MSH3: variants seen among roughly 807,000 people sequenced by gnomAD.
MSH3 encodes the protein mutS homolog 3, also known as DNA mismatch repair protein Msh3.
Under a neutral mutation model 123.3 loss-of-function variants are expected in MSH3, and 106 were observed. The ratio of observed to expected loss-of-function variants is 0.86; its 90% CI spans 0.73 to 1.01. The LOEUF (loss-of-function observed/expected upper bound fraction) is 1.01, where lower values mean the gene tolerates loss of function less well. MSH3 is among the 50% of genes least tolerant of loss of function. The pLI is 0.00. For missense variants in MSH3, 1,459 were observed against 1,347.6 expected (o/e 1.08, Z -1.29); for synonymous variants, 515 against 481.4 (o/e 1.07, Z -0.91).
intron 8 of MSH3, among the ~76,000 whole-genome samples, chr5:80,695,073 G>A (rs1750440552): frequency 7.3e-6 from 1 of 137,850 alleles, no homozygotes; most frequent in African/African-American, 2.7e-5. Context: ...GTTGGTGGTG[G>A]TGTTTTTTTT....
chr5:80,675,475 G>A (rs6151650), intron 7 of MSH3, among the ~76,000 whole-genome samples: 5,308 of 152,204 alleles, frequency 0.035, 122 homozygotes, highest in Non-Finnish European at 0.054. Context: ...AGGCGAAGGG[G>A]AAGCAGTGAC....
At chr5:80,804,138 C>A (rs527667585) in intron 19 of MSH3, among the ~76,000 whole-genome samples, 4 of 152,146 alleles carry the variant, frequency 2.6e-5, no homozygotes, top group Non-Finnish European at 5.9e-5. Flanking sequence ...CTACAGATTG[C>A]TTTAGTTACT....
At chr5:80,811,792 TA>T (rs869154962) in intron 19 of MSH3, among the ~76,000 whole-genome samples, 1 of 148,010 alleles carries the variant, frequency 6.8e-6, no homozygotes, top group South Asian at 2.1e-4. Context: ...AAAAAGAGAT[TA>T]AAAAGAGATT....
chr5:80,745,448 A>G (rs1743699122), intron 12 of MSH3, among the ~76,000 whole-genome samples: 2 of 152,206 alleles, frequency 1.3e-5, no homozygotes, highest in Non-Finnish European at 2.9e-5. Context: ...TCACCTTCTG[A>G]GATAGGTTCT....
intron 12 of MSH3, chr5:80,746,582 C>T (rs1018630358): frequency 5.1e-6 from 2 of 392,004 alleles, no homozygotes; most frequent in Non-Finnish European, 1.0e-5. Flanking sequence ...GGGATCTCCT[C>T]TGTTCGTTTT....
At chr5:80,746,785 C>T in intron 12 of MSH3, 1 of 386,902 alleles carries the variant, frequency 2.6e-6, no homozygotes, top group Non-Finnish European at 5.2e-6. Flanking sequence ...TCAAATATCT[C>T]CGCATCAAAA....
rs562669077 is a variant in MSH3 at position 80,709,540 on chromosome 5, T to C, written c.1341-15913T>C. Among the ~76,000 whole-genome samples the C allele has an allele frequency of 2.0e-5, 3 of 152,156 alleles. No individual in the cohort carries two copies. The South Asian group carries it at 6.2e-4, about 32-fold the overall frequency. On this transcript the variant is annotated intron_variant, in intron 8 of 23. Coordinates refer to ENST00000265081, the MANE Select transcript of MSH3 (RefSeq NM_002439.5). ...CGGAGGCTGAGGCAGGAGAATGGTG[T>C]GAACCCGGGAGGCGGAGCTTGCAGT...
At chr5:80,674,078 C>A (rs1429428620) in intron 6 of MSH3, among the ~76,000 whole-genome samples, 1 of 152,198 alleles carries the variant, frequency 6.6e-6, no homozygotes, top group Non-Finnish European at 1.5e-5. Context: ...AAACTATTAA[C>A]AGCCTTGTGT....
rs1749218169 is a variant in MSH3 at position 80,654,928 on chromosome 5, AG to A, written c.202del (p.Ala68LeufsTer12). ...AAAAAPPAPPAPAFPPQLPPH... is the reference protein window; with the variant it reads ...AAAAAPPAPPXPAFPPQLPPH... The stretch of plus-strand genomic sequence containing the variant: ...CGGCCGCAGCGCCCCCAGCGCCCCC[AG>A]CTCCCGCCTTCCCGCCCCAGCTGCC... On this transcript the variant is annotated frameshift_variant, in exon 1 of 24. Coordinates refer to ENST00000265081, the MANE Select transcript of MSH3 (RefSeq NM_002439.5). LOFTEE classifies it high-confidence loss of function. 4.9e-6 allele frequency: 4 copies of A among 812,188 alleles called. No individual in the cohort carries two copies. In the African/African-American group the frequency reaches 1.2e-4, roughly 23 times the overall value. 50.3% of individuals were successfully genotyped at this position (812,188 alleles called of 1,614,324 possible).
chr5:80,789,248 C>CA (rs1272158260), intron 18 of MSH3, among the ~76,000 whole-genome samples: 3 of 151,876 alleles, frequency 2.0e-5, no homozygotes, highest in East Asian at 1.9e-4. Flanking sequence ...CCCACCTAGA[C>CA]AAAAAATCTT....
chr5:80,812,790 C>T (rs1416795878), intron 19 of MSH3, among the ~76,000 whole-genome samples: 1 of 152,040 alleles, frequency 6.6e-6, no homozygotes. Context: ...AACTCCTGGC[C>T]TCAAGCGATC....
intron 13 of MSH3, among the ~76,000 whole-genome samples, chr5:80,764,432 G>A (rs1342795080): frequency 6.6e-6 from 1 of 151,706 alleles, no homozygotes; most frequent in East Asian, 1.9e-4. Context: ...CTGGAATGCA[G>A]TGGTGCGACC....
chr5:80,667,499 C>T (rs1677642), intron 3 of MSH3, among the ~76,000 whole-genome samples: 42,211 of 152,118 alleles, frequency 0.28, 6,099 homozygotes, highest in Middle Eastern at 0.35. Context: ...TCCTCCCACT[C>T]GGCCTGGCAG....
rs536975089 is a variant in MSH3, at chr5:80,672,855, G to A, written c.1024G>A (p.Glu342Lys). 1 of 1,602,440 alleles carries A rather than the reference G, an allele frequency of 6.2e-7. No homozygotes were observed. The highest frequency in any genetic ancestry group is 1.3e-5 in the African/African-American group (1 of 74,782). Residue 342 changes from glutamate to lysine, a missense_variant, in exon 6 of 24, where the codon GAA becomes AAA. Physicochemically the swap from Glu to Lys is moderately conservative, Grantham distance 56. Coordinates refer to ENST00000265081, the MANE Select transcript of MSH3 (RefSeq NM_002439.5). ...TTATACAAAATCTACACTTATTGGA[G>A]AAGATATCCTTTTTGGACGGGAGTT... ...ALYTKSTLIGEDVNPLIKLDD... is the reference protein window; with the variant it reads ...ALYTKSTLIGKDVNPLIKLDD...
At chr5:80,666,546 A>G (rs562734201) in intron 3 of MSH3, among the ~76,000 whole-genome samples, 8 of 152,244 alleles carry the variant, frequency 5.3e-5, no homozygotes, top group Non-Finnish European at 1.0e-4. Flanking sequence ...GTTATTAAGC[A>G]TAGAAGTCAT....
chr5:80,736,920 G>A (rs1467367143), intron 10 of MSH3, among the ~76,000 whole-genome samples: 27 of 152,266 alleles, frequency 1.8e-4, no homozygotes, highest in Admixed American at 1.8e-3. Context: ...TTCTTTCACT[G>A]TAGTAAGTCA....
chr5:80,696,125 T>C (rs535242356), intron 8 of MSH3, among the ~76,000 whole-genome samples: 44 of 152,320 alleles, frequency 2.9e-4, no homozygotes, highest in African/African-American at 1.0e-3. Flanking sequence ...CTGGGCCTTC[T>C]CTGACACCAT....
intron 12 of MSH3, among the ~76,000 whole-genome samples, chr5:80,753,971 A>G (rs1280764432): frequency 1.3e-5 from 2 of 152,220 alleles, no homozygotes; most frequent in African/African-American, 4.8e-5. Context: ...TGCGGGGGCT[A>G]GCAAATGTCT....
chr5:80,841,019 T>A (rs1453081892), intron 20 of MSH3, among the ~76,000 whole-genome samples: 1 of 151,974 alleles, frequency 6.6e-6, no homozygotes, highest in African/African-American at 2.4e-5. Flanking sequence ...TCTTGTCATT[T>A]ACATTAGGTA....
Sources: gnomAD v4.1 joint callset for allele counts (sites outside exome capture counted in the v4.1 genomes callset) on GRCh38, gnomAD v4.1.1 for gene constraint, MANE v1.5 for transcripts, NCBI Gene and HGNC (gene_info 2026-07-23, HGNC 2026-07-21) for gene names.